PTPRN2: variants seen among roughly 807,000 people sequenced by gnomAD.
The protein encoded by PTPRN2 is receptor-type tyrosine-protein phosphatase N2.
PTPRN2 carries 74 observed loss-of-function variants against 118.8 expected under a neutral mutation model. The ratio of observed to expected loss-of-function variants is 0.62; its 90% CI spans 0.52 to 0.76. PTPRN2 has a LOEUF of 0.76. Among genes scored for constraint, PTPRN2 ranks in the 30% least tolerant of loss-of-function variants. The pLI is 0.00. For synonymous variants in PTPRN2, 641 were observed against 608.0 expected (o/e 1.05, Z -0.80); for missense variants, 1,481 against 1,394.4 (o/e 1.06, Z -0.99).
chr7:157,837,505 A>G lies in PTPRN2; in HGVS notation c.1788+61168T>C, dbSNP rs1808057778. 3.3e-5 allele frequency among the ~76,000 whole-genome samples: 5 copies of G among 150,594 alleles called. No homozygotes were observed. The South Asian group carries it at 1.1e-3, about 32-fold the overall frequency. On this transcript the variant is annotated intron_variant, in intron 12 of 22. Coordinates refer to ENST00000389418, the MANE Select transcript of PTPRN2 (RefSeq NM_002847.5). ...TCCGAGATGGCTCAGAAGGGGCACC[A>G]TGAGGAGCCAGGGCCATGTACCACA...
intron 1 of PTPRN2, among the ~76,000 whole-genome samples, chr7:158,527,714 G>A (rs1203219256): frequency 6.6e-6 from 1 of 152,186 alleles, no homozygotes; most frequent in Admixed American, 6.5e-5. Flanking sequence ...GCCACACAGA[G>A]CTGGCCATTC....
chr7:157,912,797 A>C lies in PTPRN2; in HGVS notation c.1724-14060T>G, dbSNP rs753315833. 1.1e-3 allele frequency among the ~76,000 whole-genome samples: 163 copies of C among 152,252 alleles called. 2 individuals carry two copies. The highest frequency in any genetic ancestry group is 1.7e-3 in the Non-Finnish European group (114 of 68,008). ...TGTAATGTCAACCCTGTTATCAATC[A>C]GTTCTATTTAAGGGTCTACTCCTGG... On this transcript the variant is annotated intron_variant, in intron 11 of 22. Transcript: ENST00000389418.
chr7:158,276,651 G>T (rs182393244), intron 3 of PTPRN2, among the ~76,000 whole-genome samples: 1 of 152,194 alleles, frequency 6.6e-6, no homozygotes, highest in Non-Finnish European at 1.5e-5. Flanking sequence ...CTTCCTGAGG[G>T]ATGAAACCAT....
intron 11 of PTPRN2, among the ~76,000 whole-genome samples, chr7:158,054,482 T>C (rs1396504990): frequency 6.6e-6 from 1 of 152,236 alleles, no homozygotes; most frequent in African/African-American, 2.4e-5. Context: ...TTTTTGTCTG[T>C]GAGTCGAGTC....
chr7:158,375,419 C>T (rs1171232094), intron 2 of PTPRN2, among the ~76,000 whole-genome samples: 2 of 152,220 alleles, frequency 1.3e-5, no homozygotes, highest in African/African-American at 4.8e-5. Flanking sequence ...CAGCCAGGCT[C>T]AAGCTCCTGG....
chr7:157,879,836 T>TAAA (rs11459962), intron 12 of PTPRN2, among the ~76,000 whole-genome samples: 44 of 119,772 alleles, frequency 3.7e-4, no homozygotes, highest in African/African-American at 1.1e-3. Flanking sequence ...ACGTCTTTGT[T>TAAA]AAAAAAAAAA....
In PTPRN2 at chr7:157,629,807, A is replaced by C. The variant is rs575191295; in HGVS notation, c.2197-8298T>G. 6.6e-6 allele frequency among the ~76,000 whole-genome samples: 1 copy of C among 152,358 alleles called. No homozygotes were observed. Among genetic ancestry groups the C allele is most frequent in the South Asian group, 2.1e-4 (1 of 4,818 alleles). On this transcript the variant is annotated intron_variant, in intron 14 of 22. Transcript: ENST00000389418. The surrounding 1 kb of genome is among the most constrained non-coding windows in gnomAD (Gnocchi z 4.4). ...GCCTATTGCAGCACAATGCCCTTTA[A>C]TTTACTGAACATTACAATCAAACCT...
At position 157,560,041 on chromosome 7, in the gene PTPRN2, G is replaced by A. The variant is rs1349304720; in HGVS notation, c.2902+8861C>T. Among the ~76,000 whole-genome samples the A allele has an allele frequency of 6.6e-6, 1 of 152,212 alleles. No individual in the cohort carries two copies. Among genetic ancestry groups the A allele is most frequent in the Admixed American group, 6.5e-5 (1 of 15,292 alleles). On this transcript the variant is annotated intron_variant, in intron 21 of 22. Transcript: ENST00000389418. This position sits in a 1 kb window ranked among gnomAD's most constrained non-coding sequence, Gnocchi z 6.7. ...GGACCAAGGAGGGAGCTTGCAGAAG[G>A]GACAGCCCTCGGCCAGGTGGGACCT...
In PTPRN2 at chr7:157,621,436, G is replaced by T. The variant is rs777411785; in HGVS notation, c.2270C>A (p.Ala757Glu). The change falls in exon 15 of 23, where the codon GCG becomes GAG. Residue 757 changes from alanine (A) to glutamate (E), a missense_variant. Coordinates refer to ENST00000389418, the MANE Select transcript of PTPRN2 (RefSeq NM_002847.5). ...GGCCACGAACGAGCTGTTGGGCTCC[G>T]CCTGGTAGGCGCACAGCGCTTCCCA... The part of the protein sequence containing the change: ...KEWEALCAYQ[A>E]EPNSSFVAQR... The T allele has an allele frequency of 3.1e-6, 5 of 1,613,910 alleles. No individual in the cohort carries two copies. Among genetic ancestry groups the T allele is most frequent in the Admixed American group, 1.7e-5 (1 of 60,000 alleles).
At chr7:158,210,746 A>G (rs1284785937) in intron 3 of PTPRN2, among the ~76,000 whole-genome samples, 1 of 152,190 alleles carries the variant, frequency 6.6e-6, no homozygotes, top group Non-Finnish European at 1.5e-5. Context: ...AGACACATAG[A>G]ATCTACCAGG....
Position 158,361,688 on chromosome 7 carries a change from C to T in PTPRN2, c.164-44756G>A, listed in dbSNP as rs969669509. ...CCACCATGGACCTTGGGGGCACTCC[C>T]GGACCCTCCTGGGGGATCCTAGGCA... On this transcript the variant is annotated intron_variant, in intron 2 of 22. Transcript: ENST00000389418. Among the ~76,000 whole-genome samples the T allele has an allele frequency of 1.1e-3, 167 of 152,306 alleles. 1 individual carries two copies. Among genetic ancestry groups the T allele is most frequent in the Non-Finnish European group, 7.3e-5 (5 of 68,028 alleles).
intron 2 of PTPRN2, among the ~76,000 whole-genome samples, chr7:158,422,194 C>T (rs968750810): frequency 3.3e-5 from 5 of 152,198 alleles, no homozygotes; most frequent in Admixed American, 3.3e-4. Context: ...AGCTAGACTA[C>T]AAGGAACTGA....
At chr7:158,417,700 T>G (rs1814821798) in intron 2 of PTPRN2, among the ~76,000 whole-genome samples, 1 of 134,942 alleles carries the variant, frequency 7.4e-6, no homozygotes, top group African/African-American at 2.9e-5. Flanking sequence ...TACATCGAGA[T>G]GCTCTAGCTC....
intron 6 of PTPRN2, among the ~76,000 whole-genome samples, chr7:158,156,556 C>T (rs940288610): frequency 1.3e-5 from 2 of 152,188 alleles, no homozygotes; most frequent in African/African-American, 2.4e-5. Context: ...ACAGTTACCT[C>T]GAAAAGTTCT....
chr7:157,809,050 A>G (rs1805807578), intron 12 of PTPRN2, among the ~76,000 whole-genome samples: 1 of 152,342 alleles, frequency 6.6e-6, no homozygotes, highest in Non-Finnish European at 1.5e-5. Flanking sequence ...AATGTGGGCA[A>G]TTTTTAAAAC....
intron 3 of PTPRN2, among the ~76,000 whole-genome samples, chr7:158,303,407 A>G (rs1469857290): frequency 2.0e-5 from 3 of 152,228 alleles, no homozygotes; most frequent in Non-Finnish European, 4.4e-5. Context: ...GGAAAGCACC[A>G]GTAGAATTCT....
At chr7:158,175,154 G>A (rs1824072432) in intron 5 of PTPRN2, among the ~76,000 whole-genome samples, 2 of 152,198 alleles carry the variant, frequency 1.3e-5, no homozygotes, top group African/African-American at 2.4e-5. Flanking sequence ...CCCAAGTTGG[G>A]ACATCTTTTG....
At chr7:158,396,459 G>A (rs139184041) in intron 2 of PTPRN2, among the ~76,000 whole-genome samples, 14 of 150,852 alleles carry the variant, frequency 9.3e-5, no homozygotes, top group Middle Eastern at 3.6e-3. Flanking sequence ...GTGTGCACGC[G>A]TGTACATGCA....
chr7:157,656,547 A>G lies in PTPRN2; in HGVS notation c.2006T>C (p.Leu669Pro). The G allele has an allele frequency of 6.5e-7, 1 of 1,538,086 alleles. No individual in the cohort carries two copies. The highest frequency in any genetic ancestry group is 8.7e-7 in the Non-Finnish European group (1 of 1,147,172). The change falls in exon 14 of 23, where the codon CTG (leucine) becomes CCG (proline). Residue 669 changes from leucine to proline, a missense_variant. Transcript: ENST00000389418. The part of the protein sequence containing the change: ...GADATAAYQE[L>P]CRQRMATRPP... ...CCGCGTGGCCATACGCTGGCGGCAC[A>G]GCTCCTGCAGGACAGGGGGAGGAAG... is the stretch of plus-strand genomic sequence containing the variant.
Sources: allele counts gnomAD v4.1 joint callset (sites outside exome capture counted in the v4.1 genomes callset), GRCh38; gene constraint gnomAD v4.1.1; non-coding constraint Gnocchi (gnomAD v3.1); transcripts MANE v1.5; gene names NCBI Gene and HGNC (gene_info 2026-07-23, HGNC 2026-07-21).